ATP8B4: variants seen among roughly 807,000 people sequenced by gnomAD.
ATP8B4 encodes probable phospholipid-transporting ATPase IM.
In ATP8B4, 133 loss-of-function variants were observed where a neutral mutation model predicts 145.6. The ratio of observed to expected loss-of-function variants is 0.91; its 90% CI spans 0.79 to 1.05. ATP8B4 has a LOEUF of 1.05. Among genes scored for constraint, ATP8B4 ranks in the 50% least tolerant of loss-of-function variants. The pLI, the probability that ATP8B4 is intolerant of heterozygous loss-of-function variation, is 0.00. For missense variants in ATP8B4, 1,458 were observed against 1,425.2 expected (o/e 1.02, Z -0.37); for synonymous variants, 507 against 492.9 (o/e 1.03, Z -0.38).
chr15:50,056,520 G>C (rs1415682057), intron 3 of ATP8B4, among the ~76,000 whole-genome samples: 1 of 152,136 alleles, frequency 6.6e-6, no homozygotes, highest in Non-Finnish European at 1.5e-5. Flanking sequence ...GCAGTATCAA[G>C]ATTACCCTAC....
At chr15:49,999,092 TATTGTGGCA>T (rs2047674359) in intron 8 of ATP8B4, among the ~76,000 whole-genome samples, 1 of 152,142 alleles carries the variant, frequency 6.6e-6, no homozygotes, top group Non-Finnish European at 1.5e-5. Context: ...CACATATGTT[TATTGTGGCA>T]CTATTCACAA....
chr15:50,075,826 T>C (rs1199209977), intron 2 of ATP8B4, among the ~76,000 whole-genome samples: 1 of 152,114 alleles, frequency 6.6e-6, no homozygotes, highest in Non-Finnish European at 1.5e-5. Context: ...CTTTGAAAGG[T>C]GTGGGAACCT....
At chr15:50,128,911 T>C (rs1478282889) in intron 1 of ATP8B4, among the ~76,000 whole-genome samples, 1 of 151,952 alleles carries the variant, frequency 6.6e-6, no homozygotes, top group Non-Finnish European at 1.5e-5. Flanking sequence ...CTACTAAAAA[T>C]ACAAAAATTA....
chr15:50,145,861 C>CA (rs1219812983), intron 1 of ATP8B4, among the ~76,000 whole-genome samples: 1 of 151,110 alleles, frequency 6.6e-6, no homozygotes, highest in African/African-American at 2.4e-5. Context: ...CTAATTTTTG[C>CA]AAAAAAAGAA....
At chr15:49,932,112 C>T (rs1357192300) in intron 15 of ATP8B4, among the ~76,000 whole-genome samples, 2 of 151,406 alleles carry the variant, frequency 1.3e-5, no homozygotes, top group Admixed American at 1.3e-4. Context: ...ATTAATTAGG[C>T]ATAGCTAGAC....
chr15:50,103,431 C>CATTG (rs1233814638), intron 2 of ATP8B4, among the ~76,000 whole-genome samples: 6 of 151,968 alleles, frequency 3.9e-5, no homozygotes, highest in Non-Finnish European at 8.8e-5. Flanking sequence ...AATCAGTAGC[C>CATTG]CTGCTATACA....
At chr15:50,087,685 T>G (rs939708641) in intron 2 of ATP8B4, among the ~76,000 whole-genome samples, 3 of 151,950 alleles carry the variant, frequency 2.0e-5, no homozygotes, top group Non-Finnish European at 2.9e-5. Flanking sequence ...TGAAAGAAAC[T>G]TGGTGGAAGT....
chr15:50,044,408 T>C (rs1386549510), intron 5 of ATP8B4, among the ~76,000 whole-genome samples, 186 bp downstream of exon 5: 1 of 152,252 alleles, frequency 6.6e-6, no homozygotes, highest in South Asian at 2.1e-4. Flanking sequence ...ACTGAAGCCT[T>C]CTTGCTTTTA....
intron 1 of ATP8B4, among the ~76,000 whole-genome samples, chr15:50,169,467 A>G (rs985433031): frequency 9.2e-5 from 14 of 152,344 alleles, no homozygotes; most frequent in South Asian, 4.1e-4. Flanking sequence ...AGCCACATCC[A>G]TAGGAAAAGG....
chr15:50,056,996 G>T (rs1034444248), intron 3 of ATP8B4, among the ~76,000 whole-genome samples: 10 of 152,024 alleles, frequency 6.6e-5, no homozygotes, highest in African/African-American at 2.2e-4. Context: ...ACAGAACTGG[G>T]ATTACAGGTA....
intron 2 of ATP8B4, 118 bp from the exon 3 acceptor site, chr15:50,074,303 C>A (rs2054038785): frequency 1.1e-6 from 1 of 882,982 alleles, no homozygotes; most frequent in East Asian, 2.6e-5. Context: ...TCTTTTCTTT[C>A]AAATTTGAAG....
intron 26 of ATP8B4, among the ~76,000 whole-genome samples, chr15:49,862,780 T>A (rs1191806391): frequency 6.6e-6 from 1 of 152,148 alleles, no homozygotes; most frequent in Non-Finnish European, 1.5e-5. Context: ...TGGTGAGATT[T>A]GGATCACCTA....
chr15:49,981,820 T>C (rs1171160219), intron 10 of ATP8B4, among the ~76,000 whole-genome samples: 1 of 152,150 alleles, frequency 6.6e-6, no homozygotes, highest in Admixed American at 6.6e-5. Context: ...TATTGTATAC[T>C]GCACGTATGT....
chr15:50,144,982 C>A (rs544818271), intron 1 of ATP8B4, among the ~76,000 whole-genome samples: 1 of 152,036 alleles, frequency 6.6e-6, no homozygotes, highest in South Asian at 2.1e-4. Context: ...TTCTTAAAGC[C>A]TAGCTGAGCC....
At chr15:50,067,587 C>A (rs989867647) in intron 3 of ATP8B4, among the ~76,000 whole-genome samples, 19 of 152,294 alleles carry the variant, frequency 1.2e-4, no homozygotes, top group African/African-American at 4.6e-4. Context: ...AATTTCACAG[C>A]ACCTTTTCAT....
At chr15:49,888,729 T>G (rs1036708858) in intron 23 of ATP8B4, among the ~76,000 whole-genome samples, 7 of 152,202 alleles carry the variant, frequency 4.6e-5, no homozygotes, top group Admixed American at 6.5e-5. Flanking sequence ...GGATAAGGCA[T>G]GTCCTTAAAA....
In ATP8B4 at chr15:49,860,211, T is replaced by C. The variant is rs1031350149; in HGVS notation, c.3562A>G (p.Lys1188Glu). 8 of 1,612,788 alleles carry C rather than the reference T, an allele frequency of 5.0e-6. No homozygotes were observed. Among genetic ancestry groups the C allele is most frequent in the Non-Finnish European group, 5.9e-6 (7 of 1,179,606 alleles). The change falls in exon 28 of 28, where the codon AAA (lysine) becomes GAA (glutamate). Residue 1188 changes from lysine (K) to glutamate (E), a missense_variant. Coordinates refer to ENST00000284509, the MANE Select transcript of ATP8B4 (RefSeq NM_024837.4). The stretch of plus-strand genomic sequence containing the variant: ...ATATTGACTCACAGTTTCACTGTTT[T>C]ATCCTGGCTAAAGCTGCTCACGGTG... The part of the protein sequence containing the change: ...TDTVSSFSQD[K>E]TVKL
intron 13 of ATP8B4, among the ~76,000 whole-genome samples, chr15:49,965,608 G>T (rs1022110210): frequency 1.3e-5 from 2 of 152,120 alleles, no homozygotes; most frequent in Non-Finnish European, 2.9e-5. Flanking sequence ...ACAAGAAGTG[G>T]GTATTAATGA....
At chr15:50,138,361 G>A (rs1168130090) in intron 1 of ATP8B4, among the ~76,000 whole-genome samples, 1 of 119,124 alleles carries the variant, frequency 8.4e-6, no homozygotes, top group African/African-American at 2.7e-5. Context: ...TAGATAGATA[G>A]ATAGATAGAT....
Sources: allele counts gnomAD v4.1 joint callset (sites outside exome capture counted in the v4.1 genomes callset), GRCh38; gene constraint gnomAD v4.1.1; transcripts MANE v1.5; gene names NCBI Gene and HGNC (gene_info 2026-07-23, HGNC 2026-07-21).